Variants in TMPRSS6 observed in about 807,000 individuals in gnomAD.
The protein encoded by TMPRSS6 is transmembrane protease serine 6.
TMPRSS6 carries 67 observed loss-of-function variants against 101.5 expected under a neutral mutation model. The ratio of observed to expected loss-of-function variants is 0.66; its 90% CI spans 0.54 to 0.81. TMPRSS6 has a LOEUF of 0.81. TMPRSS6 is among the 30% of genes least tolerant of loss of function. The pLI, the probability that TMPRSS6 is intolerant of heterozygous loss-of-function variation, is 0.00. For missense variants in TMPRSS6, 1,034 were observed against 1,088.7 expected (o/e 0.95, Z 0.71); for synonymous variants, 453 against 464.9 (o/e 0.97, Z 0.33).
In TMPRSS6 at chr22:37,103,446, A is replaced by G. The variant is rs1313603772; in HGVS notation, c.-1-28T>C. On this transcript the variant is annotated intron_variant, in intron 1 of 17. Transcript: ENST00000676104. The surrounding 1 kb of genome is among the most constrained non-coding windows in gnomAD (Gnocchi z 4.4). ...GCCAGGGAAACAGACCAAAGTTGGA[A>G]ACAGCCTCGCATTTGCAAGGGAGCC... The G allele has an allele frequency of 6.2e-7, 1 of 1,614,228 alleles. No individual in the cohort carries two copies. Among genetic ancestry groups the G allele is most frequent in the Middle Eastern group, 1.6e-4 (1 of 6,062 alleles).
chr22:37,073,385 T>C lies in TMPRSS6; in HGVS notation c.1555+147A>G, dbSNP rs1276205286. ...ATGGATGGATGGATGGATGGATGGA[T>C]GGATGGATGAATGGACAGACATACA... is the stretch of plus-strand genomic sequence containing the variant. On this transcript the variant is annotated intron_variant, in intron 13 of 17. Coordinates refer to ENST00000676104, the MANE Select transcript of TMPRSS6 (RefSeq NM_001374504.1). The C allele has an allele frequency of 8.1e-6, 5 of 617,222 alleles. No individual in the cohort carries two copies. In the East Asian group the frequency reaches 1.4e-4, roughly 17 times the overall value. 38.2% of individuals were successfully genotyped at this position (617,222 alleles called of 1,614,324 possible). A position where few individuals can be genotyped will look rare whatever the true frequency, so the allele number is the denominator to read the frequency against.
intron 5 of TMPRSS6, 34 bp from the exon 6 acceptor site, chr22:37,095,626 G>GAA: frequency 1.0e-6 from 1 of 966,400 alleles, no homozygotes; most frequent in Non-Finnish European, 1.4e-6. Flanking sequence ...AAATAAACAA[G>GAA]AACAAAAAAA....
At chr22:37,071,188 G>T (rs1753885083) in intron 13 of TMPRSS6, among the ~76,000 whole-genome samples, 156 bp from the exon 14 acceptor site, 1 of 152,028 alleles carries the variant, frequency 6.6e-6, no homozygotes, top group Non-Finnish European at 1.5e-5. Flanking sequence ...CTAAAAGCAG[G>T]CCATGTCCCC....
chr22:37,098,087 C>T (rs971644329), intron 3 of TMPRSS6, among the ~76,000 whole-genome samples: 7 of 151,048 alleles, frequency 4.6e-5, no homozygotes, highest in African/African-American at 1.5e-4. Flanking sequence ...CGTCCTGTAA[C>T]GGAGGGGGAG....
intron 6 of TMPRSS6, among the ~76,000 whole-genome samples, chr22:37,090,478 C>A (rs750763375): frequency 6.6e-6 from 1 of 152,148 alleles, no homozygotes; most frequent in Non-Finnish European, 1.5e-5. Context: ...GGAGGCTGCC[C>A]TGGGGGGAGG....
chr22:37,108,579 T>C (rs1930860124), intron 1 of TMPRSS6, among the ~76,000 whole-genome samples: 1 of 152,184 alleles, frequency 6.6e-6, no homozygotes, highest in Non-Finnish European at 1.5e-5. Context: ...CTGAGCTCCT[T>C]GGGGCGGGGC....
chr22:37,073,770 T>A, intron 12 of TMPRSS6, 125 bp from the exon 13 acceptor site: 1 of 739,586 alleles, frequency 1.4e-6, no homozygotes, highest in Non-Finnish European at 2.5e-6. Flanking sequence ...TCTCTGCTAC[T>A]TTATTTTTAT....
rs1180357382 is a variant in TMPRSS6 at position 37,066,244 on chromosome 22, A to G, written c.2251-6T>C. 5 of 1,607,814 alleles carry G rather than the reference A, an allele frequency of 3.1e-6. No individual in the cohort carries two copies. The highest frequency in any genetic ancestry group is 4.2e-6 in the Non-Finnish European group (5 of 1,176,878). On this transcript the variant is annotated splice_polypyrimidine_tract_variant and splice_region_variant and intron_variant, in intron 17 of 17. Coordinates refer to ENST00000676104, the MANE Select transcript of TMPRSS6 (RefSeq NM_001374504.1). ...AGCGGACCACCTGAGTCACCCTGAA[A>G]GGGGGAAAGGAGAAAGGACTGAAGC...
intron 9 of TMPRSS6, 64 bp downstream of exon 9, chr22:37,084,663 G>A: frequency 1.4e-6 from 2 of 1,386,348 alleles, no homozygotes; most frequent in Non-Finnish European, 2.0e-6. Context: ...CTCATCCCGG[G>A]TCACCAGGGA....
chr22:37,104,962 G>A (rs370436139), intron 1 of TMPRSS6, among the ~76,000 whole-genome samples: 18 of 143,598 alleles, frequency 1.3e-4, no homozygotes, highest in East Asian at 2.0e-4. Context: ...CTCTGCTTGA[G>A]AAAAAAAAAA....
At chr22:37,094,730 A>C (rs1929602224) in intron 6 of TMPRSS6, among the ~76,000 whole-genome samples, 2 of 152,216 alleles carry the variant, frequency 1.3e-5, no homozygotes, top group Non-Finnish European at 2.9e-5. Context: ...CCAACAAAGA[A>C]GCAAGCATTT....
At position 37,069,524 on chromosome 22, in the gene TMPRSS6, A is replaced by G. The variant is rs1055782608; in HGVS notation, c.1842-180T>C. Among the ~76,000 whole-genome samples, 7 of 151,762 alleles carry G rather than the reference A, an allele frequency of 4.6e-5. No homozygotes were observed. The highest frequency in any genetic ancestry group is 1.7e-4 in the African/African-American group (7 of 41,264). On this transcript the variant is annotated intron_variant, in intron 15 of 17. Coordinates refer to ENST00000676104, the MANE Select transcript of TMPRSS6 (RefSeq NM_001374504.1). The surrounding 1 kb of genome is among the most constrained non-coding windows in gnomAD (Gnocchi z 4.8). The stretch of plus-strand genomic sequence containing the variant: ...GTGGTACAGCGTTCAGCCTTCACCC[A>G]CTCGGCCTGCCTGGGTTCCACGCCC...
rs747128441 is a variant in TMPRSS6, at chr22:37,103,792, T to TGACC, written c.-1-378_-1-375dup. 57 of 599,218 alleles carry TGACC rather than the reference T, an allele frequency of 9.5e-5. No homozygotes were observed. The highest frequency in any genetic ancestry group is 1.5e-4 in the Non-Finnish European group (51 of 335,968). The allele number at this position is 599,218 out of a possible 1,614,324, so 37.1% of individuals were successfully genotyped here. A position where few individuals can be genotyped will look rare whatever the true frequency, so the allele number is the denominator to read the frequency against. On this transcript the variant is annotated intron_variant, in intron 1 of 17. Coordinates refer to ENST00000676104, the MANE Select transcript of TMPRSS6 (RefSeq NM_001374504.1). This position sits in a 1 kb window ranked among gnomAD's most constrained non-coding sequence, Gnocchi z 4.4. ...TGGGGTGCAGACTTCTGTAGACATC[T>TGACC]GACCTCTTGCCCTCATTTCCCGTCC...
At chr22:37,079,065 C>A (rs1208137479) in intron 10 of TMPRSS6, among the ~76,000 whole-genome samples, 1 of 151,246 alleles carries the variant, frequency 6.6e-6, no homozygotes, top group African/African-American at 2.4e-5. Flanking sequence ...CTGGACTACC[C>A]TACCCCCCAT....
At chr22:37,091,498 C>T (rs1245231383) in intron 6 of TMPRSS6, among the ~76,000 whole-genome samples, 2 of 152,106 alleles carry the variant, frequency 1.3e-5, no homozygotes, top group Admixed American at 6.5e-5. Flanking sequence ...ACCCTCCCCA[C>T]CTAGCACCAA....
chr22:37,080,712 G>A (rs1928197012), intron 10 of TMPRSS6, among the ~76,000 whole-genome samples: 1 of 152,224 alleles, frequency 6.6e-6, no homozygotes. Context: ...GTCTGCCCCT[G>A]GGGACCCTGG....
At chr22:37,088,430 G>T (rs1928959677) in intron 7 of TMPRSS6, among the ~76,000 whole-genome samples, 1 of 152,178 alleles carries the variant, frequency 6.6e-6, no homozygotes, top group African/African-American at 2.4e-5. Flanking sequence ...GACAGAAGAG[G>T]CATCAGCCTG....
chr22:37,069,147 AGGCAGACG>A lies in TMPRSS6; in HGVS notation c.2031_2038del (p.Val678AlafsTer72), dbSNP rs1417419466. The A allele has an allele frequency of 1.3e-6, 2 of 1,575,446 alleles. No individual in the cohort carries two copies. The highest frequency in any genetic ancestry group is 3.6e-5 in the Admixed American group (2 of 54,892). On this transcript the variant is annotated frameshift_variant, in exon 16 of 18. Coordinates refer to ENST00000676104, the MANE Select transcript of TMPRSS6 (RefSeq NM_001374504.1). LOFTEE classifies it high-confidence loss of function. This position sits in a 1 kb window ranked among gnomAD's most constrained non-coding sequence, Gnocchi z 4.8. ...CTCGAAGAAGTGGGAGCGCGCGGGC[AGGCAGACG>A]GGGCGCACGGCGGCCGAGCGCACCA...
At chr22:37,089,536 C>T in intron 7 of TMPRSS6, 42 bp downstream of exon 7, 1 of 1,535,556 alleles carries the variant, frequency 6.5e-7, no homozygotes, top group Non-Finnish European at 8.8e-7. Flanking sequence ...CAACCACTCC[C>T]TTTTCCAGCC....
Sources: gnomAD v4.1 joint callset for allele counts (sites outside exome capture counted in the v4.1 genomes callset) on GRCh38, gnomAD v4.1.1 for gene constraint, Gnocchi (gnomAD v3.1) non-coding constraint, MANE v1.5 for transcripts, NCBI Gene and HGNC (gene_info 2026-07-23, HGNC 2026-07-21) for gene names.